The following LARGE1 variants were observed in gnomAD, a reference collection of about 807,000 sequenced individuals.
The protein encoded by LARGE1 is xylosyl- and glucuronyltransferase LARGE1.
In LARGE1, 43 loss-of-function variants were observed where a neutral mutation model predicts 87.6. The observed-to-expected ratio is 0.49, with a 90% CI of 0.38 to 0.63. LARGE1 has a LOEUF of 0.63. LARGE1 is among the 30% of genes least tolerant of loss of function. The pLI is 0.00. For synonymous variants in LARGE1, 434 were observed against 394.6 expected (o/e 1.10, Z -1.18); for missense variants, 802 against 1,000.2 (o/e 0.80, Z 2.67).
intron 6 of LARGE1, among the ~76,000 whole-genome samples, chr22:33,496,277 T>C (rs2070114013): frequency 1.3e-5 from 2 of 152,150 alleles, no homozygotes; most frequent in Admixed American, 6.5e-5. Flanking sequence ...CTGACTCAAA[T>C]GTTAATCTCC....
chr22:33,128,680 C>CAAAAAAAAAAAAAAAAAAAA, the LARGE1 span, among the ~76,000 whole-genome samples: 4 of 110,306 alleles, frequency 3.6e-5, no homozygotes, highest in Non-Finnish European at 7.4e-5. Flanking sequence ...GTCTCAAAAA[C>CAAAAAAAAAAAAAAAAAAAA]AAAAAAAAAA....
intron 10 of LARGE1, among the ~76,000 whole-genome samples, chr22:33,331,710 T>C (rs1937733086): frequency 6.6e-6 from 1 of 152,116 alleles, no homozygotes; most frequent in African/African-American, 2.4e-5. Flanking sequence ...ACCTGGCCTG[T>C]GCAGCCATTT....
At chr22:33,174,910 G>A (rs1334794389) in intron 11 of LARGE1, among the ~76,000 whole-genome samples, 1 of 152,158 alleles carries the variant, frequency 6.6e-6, no homozygotes, top group Non-Finnish European at 1.5e-5. Flanking sequence ...GGTACAAAGA[G>A]GAGCTGGTAC....
intron 6 of LARGE1, among the ~76,000 whole-genome samples, chr22:33,544,694 C>CAACAACAACCACAACAACA (rs1555952160): frequency 2.2e-4 from 30 of 136,530 alleles, no homozygotes; most frequent in Admixed American, 1.2e-3. Flanking sequence ...AAACAACAAC[C>CAACAACAACCACAACAACA]ACAACAACAA....
At chr22:33,809,858 C>T (rs1273696252) in intron 1 of LARGE1, among the ~76,000 whole-genome samples, 1 of 151,830 alleles carries the variant, frequency 6.6e-6, no homozygotes, top group Non-Finnish European at 1.5e-5. Context: ...TGAAATAGTA[C>T]CTCCAAAACC....
At chr22:33,528,303 G>T (rs5754588) in intron 6 of LARGE1, among the ~76,000 whole-genome samples, 82,548 of 151,904 alleles carry the variant, frequency 0.54, 23,062 homozygotes, top group Admixed American at 0.64. Flanking sequence ...TGTAGACTCC[G>T]TCAGAAACCA....
At chr22:33,455,067 G>A (rs889995077) in intron 6 of LARGE1, among the ~76,000 whole-genome samples, 2 of 152,226 alleles carry the variant, frequency 1.3e-5, no homozygotes, top group Admixed American at 6.5e-5. Context: ...GTATTAATAT[G>A]TGTGTTTGAC....
chr22:33,292,212 C>T (rs948304356), intron 12 of LARGE1, among the ~76,000 whole-genome samples: 5 of 152,262 alleles, frequency 3.3e-5, no homozygotes, highest in East Asian at 1.9e-4. Flanking sequence ...GCCTCTAGAA[C>T]CATGGGGAAT....
chr22:33,845,346 T>C (rs1315249176), intron 1 of LARGE1, among the ~76,000 whole-genome samples: 3 of 152,216 alleles, frequency 2.0e-5, no homozygotes, highest in Non-Finnish European at 4.4e-5. Flanking sequence ...TTCACTCTTG[T>C]TGCCCAGGCT....
At chr22:33,747,886 T>G (rs1272826187) in intron 2 of LARGE1, 1 of 152,344 alleles carries the variant, frequency 6.6e-6, no homozygotes, top group South Asian at 2.1e-4. Context: ...AGAAAGCTCA[T>G]GTCCAAGAGG....
chr22:33,809,653 A>G (rs2086429833), intron 1 of LARGE1, among the ~76,000 whole-genome samples: 1 of 152,226 alleles, frequency 6.6e-6, no homozygotes, highest in Non-Finnish European at 1.5e-5. Context: ...TTTTAAAAAG[A>G]GCTAACAGGT....
At chr22:33,746,236 C>T (rs542034900) in intron 2 of LARGE1, among the ~76,000 whole-genome samples, 25 of 152,142 alleles carry the variant, frequency 1.6e-4, no homozygotes, top group African/African-American at 2.7e-4. Flanking sequence ...AGCAAGACTC[C>T]GTCTCAAAAC....
chr22:33,071,883 T>TGA, the LARGE1 span, among the ~76,000 whole-genome samples: 2 of 152,192 alleles, frequency 1.3e-5, no homozygotes, highest in Admixed American at 1.3e-4. Context: ...CCAGCCTTCC[T>TGA]ACCTGGCTGT....
intron 6 of LARGE1, among the ~76,000 whole-genome samples, chr22:33,474,687 C>G (rs4821151): frequency 0.24 from 35,967 of 152,060 alleles, 4,582 homozygotes; most frequent in African/African-American, 0.32. Context: ...TCTGCTTTGA[C>G]ATAATAAGGA....
intron 1 of LARGE1, among the ~76,000 whole-genome samples, chr22:33,861,860 C>CTTTTTTTTTT (rs59657748): frequency 8.5e-6 from 1 of 117,246 alleles, no homozygotes; most frequent in Non-Finnish European, 1.7e-5. Flanking sequence ...CCCAGACATT[C>CTTTTTTTTTT]TTTTTTTTTT....
chr22:33,261,294 C>T (rs1446615329), intron 11 of LARGE1, among the ~76,000 whole-genome samples: 1 of 152,138 alleles, frequency 6.6e-6, no homozygotes, highest in Admixed American at 6.5e-5. Flanking sequence ...CTTTGTTTAT[C>T]TATTCTATCT....
At chr22:33,902,413 G>T (rs935066931) in intron 1 of LARGE1, among the ~76,000 whole-genome samples, 1 of 152,140 alleles carries the variant, frequency 6.6e-6, no homozygotes, top group Admixed American at 6.5e-5. Flanking sequence ...TCAGAGTATC[G>T]CAGAGAAGCT....
the LARGE1 span, among the ~76,000 whole-genome samples, chr22:33,118,095 C>G: frequency 6.6e-6 from 1 of 152,030 alleles, no homozygotes; most frequent in Non-Finnish European, 1.5e-5. Context: ...AAAATTAGGA[C>G]CAGAGGCAGG....
At chr22:33,249,560 T>C (rs1194865343) in intron 11 of LARGE1, among the ~76,000 whole-genome samples, 1 of 152,222 alleles carries the variant, frequency 6.6e-6, no homozygotes, top group Non-Finnish European at 1.5e-5. Flanking sequence ...TCTAGCCTAT[T>C]AGTTATTTCT....
Sources: gnomAD v4.1 joint callset for allele counts (sites outside exome capture counted in the v4.1 genomes callset) on GRCh38, gnomAD v4.1.1 for gene constraint, MANE v1.5 for transcripts, NCBI Gene and HGNC (gene_info 2026-07-23, HGNC 2026-07-21) for gene names.